Variants in DNAH3 observed in about 807,000 individuals in gnomAD.
DNAH3 encodes the protein axonemal beta dynein heavy chain 3.
In DNAH3, 332 loss-of-function variants were observed where a neutral mutation model predicts 432.5. The ratio of observed to expected loss-of-function variants is 0.77; its 90% CI spans 0.70 to 0.84. The LOEUF (loss-of-function observed/expected upper bound fraction) is 0.84. Ranked by LOEUF, DNAH3 falls within the 40% of genes least tolerant of loss-of-function variation. The pLI is 0.00. For synonymous variants in DNAH3, 1,956 were observed against 1,900.2 expected (o/e 1.03, Z -0.76); for missense variants, 4,861 against 5,114.0 (o/e 0.95, Z 1.51).
chr16:21,156,810 A>C (rs923517537), intron 1 of DNAH3, among the ~76,000 whole-genome samples: 1 of 152,154 alleles, frequency 6.6e-6, no homozygotes, highest in African/African-American at 2.4e-5. Context: ...GGAAGCATCT[A>C]TCACACAAAG....
At position 21,054,400 on chromosome 16, in the gene DNAH3, G is replaced by C. The variant is rs369195371; in HGVS notation, c.4039+20C>G. The C allele has an allele frequency of 6.3e-7, 1 of 1,576,460 alleles. No homozygotes were observed. The highest frequency in any genetic ancestry group is 1.3e-5 in the African/African-American group (1 of 74,184). On this transcript the variant is annotated intron_variant, in intron 28 of 61. Coordinates refer to ENST00000261383, the Ensembl canonical transcript of DNAH3. Reference sequence around the variant, plus strand: ...TTCTCCTGGATAGTCAGTAATGACAGGGGAAGCCCCCTGGCTTACCGTGGA... The same window carrying C: ...TTCTCCTGGATAGTCAGTAATGACACGGGAAGCCCCCTGGCTTACCGTGGA...
chr16:20,967,415 T>TA (rs35649183), intron 52 of DNAH3, among the ~76,000 whole-genome samples: 10,652 of 148,428 alleles, frequency 0.072, 507 homozygotes, highest in East Asian at 0.17. Flanking sequence ...CAGGGGAGCT[T>TA]AAAAAAAATC....
rs756910159 is a variant in DNAH3, at chr16:20,987,924, G to A, written c.6725+18C>T. ...GAACCCCCAGCCCACTATCCAGGAA[G>A]ACAGAGAAACCTCTTACCTTAAAAA... On this transcript the variant is annotated intron_variant, in intron 45 of 61. Transcript: ENST00000261383. 3.7e-6 allele frequency: 6 copies of A among 1,614,170 alleles called. No homozygotes were observed. Among genetic ancestry groups the A allele is most frequent in the South Asian group, 1.1e-5 (1 of 91,070 alleles).
intron 11 of DNAH3, among the ~76,000 whole-genome samples, chr16:21,119,063 G>A (rs1315388690): frequency 1.3e-5 from 2 of 152,220 alleles, no homozygotes; most frequent in Non-Finnish European, 2.9e-5. Context: ...TTTGAAACCA[G>A]TGGAGGAGCA....
chr16:21,011,000 G>C (rs981029626), intron 41 of DNAH3, among the ~76,000 whole-genome samples: 12 of 151,758 alleles, frequency 7.9e-5, no homozygotes, highest in African/African-American at 2.9e-4. Context: ...TGAAAATCAT[G>C]GTTTGTTTTA....
rs533261109 is a variant in DNAH3 at position 20,970,842 on chromosome 16, AT to A, written c.8260-853del. The stretch of plus-strand genomic sequence containing the variant: ...TCCAGTCTTTGTCTTCCCAGTATGG[AT>A]TTCTTTTCTTTTCTCTATTCTTTTT... On this transcript the variant is annotated intron_variant, in intron 51 of 61. Coordinates refer to ENST00000261383, the Ensembl canonical transcript of DNAH3. Among the ~76,000 whole-genome samples the A allele has an allele frequency of 4.4e-4, 63 of 142,232 alleles. 1 individual carries two copies. The South Asian group carries it at 0.014, about 32-fold the overall frequency. 93.3% of individuals were successfully genotyped at this position (142,232 alleles called of 152,430 possible).
At chr16:21,104,303 C>T in intron 16 of DNAH3, 168 bp downstream of exon 16, 3 of 642,000 alleles carry the variant, frequency 4.7e-6, no homozygotes, top group Admixed American at 2.4e-5. Flanking sequence ...AGAAAACATC[C>T]CTCAGTGGGA....
At chr16:21,103,281 A>C (rs1402637791) in intron 16 of DNAH3, among the ~76,000 whole-genome samples, 2 of 148,604 alleles carry the variant, frequency 1.3e-5, no homozygotes, top group Non-Finnish European at 3.0e-5. Context: ...ATGTAACCAA[A>C]TACCACCTGT....
At chr16:20,933,314 A>C (rs1171802982) in exon 62 of DNAH3, 1 of 1,614,098 alleles carries the variant, frequency 6.2e-7, no homozygotes, top group Non-Finnish European at 8.5e-7. Flanking sequence ...ACACACATAG[A>C]TGTCCTGATG....
intron 47 of DNAH3, 78 bp downstream of exon 47, chr16:20,987,227 G>GA: frequency 6.4e-7 from 1 of 1,562,010 alleles, no homozygotes; most frequent in Non-Finnish European, 8.7e-7. Context: ...AACAGGAAGG[G>GA]AACCTGAAAT....
intron 23 of DNAH3, among the ~76,000 whole-genome samples, chr16:21,068,177 C>T (rs1402986611): frequency 6.6e-6 from 1 of 152,194 alleles, no homozygotes; most frequent in East Asian, 1.9e-4. Flanking sequence ...TAAAAGATCC[C>T]TCTAGGTGCC....
chr16:21,107,096 A>G (rs2091964810), intron 14 of DNAH3, among the ~76,000 whole-genome samples: 1 of 152,108 alleles, frequency 6.6e-6, no homozygotes, highest in Non-Finnish European at 1.5e-5. Context: ...ACCTGGGTTA[A>G]TTGACTCCAA....
chr16:21,098,797 T>C (rs781132962), intron 16 of DNAH3, 28 bp from the exon 17 acceptor site: 2 of 1,596,362 alleles, frequency 1.3e-6, no homozygotes, highest in Non-Finnish European at 8.5e-7. Context: ...CTGGTTACCT[T>C]TGGACTTTGC....
intron 31 of DNAH3, among the ~76,000 whole-genome samples, chr16:21,047,487 A>G (rs1385847361): frequency 6.6e-6 from 1 of 152,026 alleles, no homozygotes; most frequent in Admixed American, 6.5e-5. Context: ...AGGCTTCTGC[A>G]TTCTTCACGT....
chr16:21,048,532 G>A (rs552026119), intron 31 of DNAH3, among the ~76,000 whole-genome samples: 3 of 152,236 alleles, frequency 2.0e-5, no homozygotes, highest in East Asian at 1.9e-4. Context: ...GCCCTGCTTC[G>A]GCTGGCGCAC....
chr16:21,149,186 G>A (rs1201642568), intron 1 of DNAH3, among the ~76,000 whole-genome samples: 3 of 149,272 alleles, frequency 2.0e-5, no homozygotes, highest in African/African-American at 5.0e-5. Flanking sequence ...TGAAGATCAC[G>A]CCACTGCACT....
intron 18 of DNAH3, among the ~76,000 whole-genome samples, chr16:21,094,497 C>T (rs1290093295): frequency 6.6e-6 from 1 of 152,000 alleles, no homozygotes; most frequent in East Asian, 1.9e-4. Context: ...ATGGTGAAAC[C>T]CCGGCTCTAC....
intron 36 of DNAH3, 95 bp downstream of exon 36, chr16:21,033,879 C>A (rs924618561): frequency 1.3e-5 from 10 of 786,488 alleles, no homozygotes; most frequent in Admixed American, 2.3e-5. Context: ...ACGATCGAGG[C>A]CTGACAAGAC....
intron 1 of DNAH3, among the ~76,000 whole-genome samples, chr16:21,153,527 C>G (rs2092876354): frequency 6.6e-6 from 1 of 152,202 alleles, no homozygotes; most frequent in Admixed American, 6.5e-5. Context: ...AGCATAAAAG[C>G]AGGCTGCCCG....
Sources: gnomAD v4.1 joint callset for allele counts (sites outside exome capture counted in the v4.1 genomes callset) on GRCh38, gnomAD v4.1.1 for gene constraint, MANE v1.5 for transcripts, NCBI Gene and HGNC (gene_info 2026-07-23, HGNC 2026-07-21) for gene names.